AKR1D1: variants seen among roughly 807,000 people sequenced by gnomAD.
The protein encoded by AKR1D1 is aldo-keto reductase family 1 member D1.
AKR1D1 carries 32 observed loss-of-function variants against 42.6 expected under a neutral mutation model. The ratio of observed to expected loss-of-function variants is 0.75; its 90% CI spans 0.57 to 1.01. The LOEUF is 1.01. AKR1D1 is among the 50% of genes least tolerant of loss of function. AKR1D1 has a pLI of 0.00. For missense variants in AKR1D1, 364 were observed against 402.2 expected (o/e 0.91, Z 0.81); for synonymous variants, 123 against 135.5 (o/e 0.91, Z 0.64).
At chr7:138,103,695 A>AC in intron 4 of AKR1D1, among the ~76,000 whole-genome samples, 1 of 152,322 alleles carries the variant, frequency 6.6e-6, no homozygotes, top group South Asian at 2.1e-4. Flanking sequence ...ATATCATATA[A>AC]CACAGACTTA....
At chr7:138,092,595 C>T (rs1232100469) in intron 3 of AKR1D1, among the ~76,000 whole-genome samples, 6 of 152,130 alleles carry the variant, frequency 3.9e-5, no homozygotes, top group Non-Finnish European at 5.9e-5. Context: ...AACGCAAACA[C>T]GTTGTGCCTA....
At chr7:138,111,314 C>T (rs1039851818) in intron 7 of AKR1D1, among the ~76,000 whole-genome samples, 6 of 152,216 alleles carry the variant, frequency 3.9e-5, no homozygotes, top group African/African-American at 1.4e-4. Context: ...TTTCAAACAT[C>T]TGGAAAGAGA....
chr7:138,089,132 G>GACA (rs1322470763), intron 2 of AKR1D1, among the ~76,000 whole-genome samples: 1 of 152,032 alleles, frequency 6.6e-6, no homozygotes, highest in African/African-American at 2.4e-5. Context: ...TGTTTTGCTT[G>GACA]AGCTCAGGAG....
In AKR1D1 at chr7:138,086,608, T is replaced by C. The variant is rs539795547; in HGVS notation, c.94-1993T>C. 3.9e-5 allele frequency among the ~76,000 whole-genome samples: 6 copies of C among 152,356 alleles called. No homozygotes were observed. In the South Asian group the frequency reaches 1.2e-3, roughly 32 times the overall value. On this transcript the variant is annotated intron_variant, in intron 1 of 8. Transcript: ENST00000242375. The stretch of plus-strand genomic sequence containing the variant: ...TACAATATATGTCCCCAAGGCTTTC[T>C]ATATCCTGCCCAGGACTATAAAATC...
chr7:138,097,419 G>A (rs192044613), intron 3 of AKR1D1, among the ~76,000 whole-genome samples: 2 of 152,344 alleles, frequency 1.3e-5, no homozygotes, highest in Non-Finnish European at 2.9e-5. Context: ...GAGCAACTTA[G>A]GCTAAATGTC....
intron 7 of AKR1D1, among the ~76,000 whole-genome samples, chr7:138,112,405 A>G (rs926848152): frequency 6.6e-6 from 1 of 152,110 alleles, no homozygotes; most frequent in African/African-American, 2.4e-5. Context: ...AATTAAGTAA[A>G]TCGTGTTCCA....
In AKR1D1 at chr7:138,116,607, A is replaced by G; in HGVS notation, c.939-13A>G. On this transcript the variant is annotated splice_polypyrimidine_tract_variant and intron_variant, in intron 8 of 8. Coordinates refer to ENST00000242375, the MANE Select transcript of AKR1D1 (RefSeq NM_005989.4). Reference sequence around the variant, plus strand: ...TGAGTGAACTTTTTTCTGTGGGGGAATTGTTTTGGCAGGTGGCGCGATCAT... The same window carrying G: ...TGAGTGAACTTTTTTCTGTGGGGGAGTTGTTTTGGCAGGTGGCGCGATCAT... The G allele has an allele frequency of 6.2e-7, 1 of 1,614,116 alleles. No homozygotes were observed. Among genetic ancestry groups the G allele is most frequent in the Non-Finnish European group, 8.5e-7 (1 of 1,179,998 alleles).
chr7:138,113,876 G>GT, intron 8 of AKR1D1, 104 bp downstream of exon 8: 1 of 1,001,938 alleles, frequency 1.0e-6, no homozygotes, highest in Non-Finnish European at 1.6e-6. Flanking sequence ...ATAGCACCAG[G>GT]GCAAAGCATG....
intron 1 of AKR1D1, among the ~76,000 whole-genome samples, chr7:138,082,996 ATTTTATTTCC>A (rs2117416471): frequency 6.6e-6 from 1 of 152,300 alleles, no homozygotes; most frequent in South Asian, 2.1e-4. Flanking sequence ...CAAGATAGTG[ATTTTATTTCC>A]TTTGGATATA....
At chr7:138,098,006 C>A (rs1794218355) in intron 4 of AKR1D1, 63 bp downstream of exon 4, 1 of 1,256,008 alleles carries the variant, frequency 8.0e-7, no homozygotes, top group Non-Finnish European at 1.2e-6. Flanking sequence ...TCTGATTATT[C>A]CTGTCATATT....
chr7:138,113,018 T>A (rs3857868), intron 7 of AKR1D1, among the ~76,000 whole-genome samples: 122,544 of 152,150 alleles, frequency 0.81, 49,794 homozygotes, highest in African/African-American at 0.91. Flanking sequence ...AAAGTTTTTT[T>A]AAAAAGCAAA....
intron 4 of AKR1D1, among the ~76,000 whole-genome samples, chr7:138,100,699 C>CT (rs749956421): frequency 0.12 from 10,694 of 88,354 alleles, 1,302 homozygotes; most frequent in South Asian, 0.17. Flanking sequence ...GTCAGAGATT[C>CT]TTTTTTTTTT....
At chr7:138,095,999 G>A (rs1011792532) in intron 3 of AKR1D1, among the ~76,000 whole-genome samples, 6 of 151,384 alleles carry the variant, frequency 4.0e-5, no homozygotes, top group African/African-American at 1.2e-4. Flanking sequence ...CTAGGAGTTC[G>A]AGACCAGCCT....
intron 7 of AKR1D1, 106 bp from the exon 8 acceptor site, chr7:138,113,584 C>A (rs1794575440): frequency 2.2e-6 from 2 of 922,354 alleles, no homozygotes; most frequent in Non-Finnish European, 3.5e-6. Flanking sequence ...TCCTCTTAGA[C>A]ATTTGCAGAG....
chr7:138,092,745 CAT>C (rs1407647003), intron 3 of AKR1D1, among the ~76,000 whole-genome samples: 1 of 152,066 alleles, frequency 6.6e-6, no homozygotes, highest in Non-Finnish European at 1.5e-5. Context: ...ATAAACATAA[CAT>C]AGAAAAGGTA....
At chr7:138,104,301 G>A (rs1487118662) in intron 4 of AKR1D1, among the ~76,000 whole-genome samples, 1 of 152,132 alleles carries the variant, frequency 6.6e-6, no homozygotes, top group Non-Finnish European at 1.5e-5. Flanking sequence ...TAACATGTGT[G>A]TATGTATATT....
chr7:138,102,478 G>A (rs866037115), intron 4 of AKR1D1, among the ~76,000 whole-genome samples: 24 of 152,096 alleles, frequency 1.6e-4, no homozygotes, highest in African/African-American at 5.8e-4. Context: ...GCTGAGGTAG[G>A]AGGATCACTT....
Position 138,113,611 on chromosome 7 carries a change from G to A in AKR1D1, c.856-79G>A, listed in dbSNP as rs1169987994. 44 of 1,187,324 alleles carry A rather than the reference G, an allele frequency of 3.7e-5. 1 individual carries two copies. In the Admixed American group the frequency reaches 8.1e-4, roughly 22 times the overall value. 73.5% of individuals were successfully genotyped at this position (1,187,324 alleles called of 1,614,324 possible). A position where few individuals can be genotyped will look rare whatever the true frequency, so the allele number is the denominator to read the frequency against. ...TTTGCAGAGATATTCATACATCTTT[G>A]GAAGGCTCCCACCGGTGGCCCCACT... On this transcript the variant is annotated intron_variant, in intron 7 of 8. Transcript: ENST00000242375.
At chr7:138,081,213 C>G (rs1255858252) in intron 1 of AKR1D1, among the ~76,000 whole-genome samples, 2 of 152,186 alleles carry the variant, frequency 1.3e-5, no homozygotes, top group Non-Finnish European at 2.9e-5. Context: ...GTGGATGTCA[C>G]TTTTTCCAAG....
Sources: gnomAD v4.1 joint callset for allele counts (sites outside exome capture counted in the v4.1 genomes callset) on GRCh38, gnomAD v4.1.1 for gene constraint, MANE v1.5 for transcripts, NCBI Gene and HGNC (gene_info 2026-07-23, HGNC 2026-07-21) for gene names.